Variants in RAD51B observed in about 807,000 individuals in gnomAD.
RAD51B encodes RAD51 paralog B, also known as DNA repair protein RAD51 homolog 2.
A neutral mutation model predicts 42.2 loss-of-function variants in RAD51B; 38 were observed. The observed-to-expected ratio is 0.90, with a 90% CI of 0.70 to 1.18. The LOEUF is 1.18. Ranked by LOEUF, RAD51B falls within the 50% of genes most tolerant of loss-of-function variation. RAD51B has a pLI of 0.00. For missense variants in RAD51B, 373 were observed against 400.7 expected (o/e 0.93, Z 0.59); for synonymous variants, 154 against 145.2 (o/e 1.06, Z -0.43).
chr14:68,147,989 C>G (rs752949795), intron 7 of RAD51B, among the ~76,000 whole-genome samples: 13 of 152,146 alleles, frequency 8.5e-5, no homozygotes, highest in Non-Finnish European at 1.2e-4. Flanking sequence ...TCTTACCCTT[C>G]CTTACCTTAC....
chr14:68,396,513 C>T (rs117270202), intron 8 of RAD51B, among the ~76,000 whole-genome samples: 3,469 of 152,204 alleles, frequency 0.023, 49 homozygotes, highest in Middle Eastern at 0.061. Context: ...TCCTAAGATA[C>T]AGAAAGATAT....
At chr14:68,011,165 A>T (rs957943903) in intron 7 of RAD51B, among the ~76,000 whole-genome samples, 1 of 152,028 alleles carries the variant, frequency 6.6e-6, no homozygotes, top group African/African-American at 2.4e-5. Flanking sequence ...AGGGCATCCC[A>T]TTTCTATCAA....
chr14:68,182,904 A>G (rs572162497), intron 7 of RAD51B, among the ~76,000 whole-genome samples: 2 of 152,114 alleles, frequency 1.3e-5, no homozygotes, highest in Non-Finnish European at 2.9e-5. Context: ...CACTTTTTAG[A>G]TGTATAACTT....
intron 7 of RAD51B, among the ~76,000 whole-genome samples, chr14:68,182,948 T>C (rs528364241): frequency 6.6e-6 from 1 of 152,218 alleles, no homozygotes; most frequent in Non-Finnish European, 1.5e-5. Context: ...TCCTTTTCTT[T>C]CCTTGGTTGA....
downstream of RAD51B, among the ~76,000 whole-genome samples, chr14:68,479,632 TC>T (rs1286795917): frequency 8.6e-5 from 13 of 151,478 alleles, no homozygotes; most frequent in African/African-American, 3.2e-4. Flanking sequence ...TACACAGATT[TC>T]CCTGGTTTGG....
intron 7 of RAD51B, among the ~76,000 whole-genome samples, chr14:67,938,213 A>G (rs2045027796): frequency 6.6e-6 from 1 of 152,218 alleles, no homozygotes; most frequent in Admixed American, 6.5e-5. Flanking sequence ...CTGGAATAAC[A>G]ATGCAGTTCT....
intron 9 of RAD51B, among the ~76,000 whole-genome samples, chr14:68,462,871 C>T (rs960853415): frequency 7.9e-5 from 12 of 151,110 alleles, no homozygotes; most frequent in Non-Finnish European, 1.6e-4. Context: ...CACAAGGAGC[C>T]CCAGGCTTTC....
chr14:68,324,357 G>T (rs755565994), intron 8 of RAD51B, among the ~76,000 whole-genome samples: 5 of 152,116 alleles, frequency 3.3e-5, no homozygotes, highest in Non-Finnish European at 7.4e-5. Context: ...CTGCTGTCAT[G>T]GGCACCAAAA....
intron 7 of RAD51B, among the ~76,000 whole-genome samples, chr14:68,243,106 C>T (rs2080426845): frequency 6.6e-6 from 1 of 152,134 alleles, no homozygotes. Flanking sequence ...AAGATGTGCT[C>T]TCCGGAATTA....
chr14:68,100,382 G>C (rs545205792), intron 7 of RAD51B, among the ~76,000 whole-genome samples: 1 of 152,114 alleles, frequency 6.6e-6, no homozygotes, highest in Non-Finnish European at 1.5e-5. Context: ...GGGTCTCACT[G>C]TGTTGCCCAG....
intron 9 of RAD51B, among the ~76,000 whole-genome samples, chr14:68,437,341 C>T (rs1412797945): frequency 6.6e-6 from 1 of 152,162 alleles, no homozygotes; most frequent in African/African-American, 2.4e-5. Flanking sequence ...ACCAACCTTG[C>T]ACCTCAGAAA....
At chr14:68,222,834 C>G (rs924525245) in intron 7 of RAD51B, among the ~76,000 whole-genome samples, 1 of 152,108 alleles carries the variant, frequency 6.6e-6, no homozygotes, top group Non-Finnish European at 1.5e-5. Context: ...TTTGTTGACT[C>G]GTTATCTCTT....
intron 7 of RAD51B, among the ~76,000 whole-genome samples, chr14:68,241,369 C>G (rs980132719): frequency 6.6e-6 from 1 of 152,054 alleles, no homozygotes; most frequent in Admixed American, 6.6e-5. Context: ...GGTGGAACAC[C>G]ATCTCTACTA....
chr14:68,281,949 A>G (rs1026999420), intron 7 of RAD51B, among the ~76,000 whole-genome samples: 1 of 151,306 alleles, frequency 6.6e-6, no homozygotes, highest in Non-Finnish European at 1.5e-5. Context: ...TTGTGCCTCA[A>G]GTGTGATCTG....
intron 10 of RAD51B, among the ~76,000 whole-genome samples, chr14:68,616,658 T>G (rs891314413): frequency 3.9e-4 from 60 of 152,344 alleles, no homozygotes; most frequent in African/African-American, 1.4e-3. Flanking sequence ...ATTTTCAGCC[T>G]TGATTTTTGT....
chr14:67,839,174 A>G (rs2041344678), intron 4 of RAD51B, among the ~76,000 whole-genome samples: 1 of 151,990 alleles, frequency 6.6e-6, no homozygotes, highest in African/African-American at 2.4e-5. Flanking sequence ...CTGAATTAGT[A>G]TTTATCTTAT....
intron 7 of RAD51B, among the ~76,000 whole-genome samples, chr14:68,278,960 A>C (rs900180654): frequency 2.0e-5 from 3 of 152,188 alleles, no homozygotes; most frequent in Non-Finnish European, 4.4e-5. Context: ...TCTCCTAACA[A>C]ATGACCATTT....
At chr14:68,174,469 T>C (rs1224551935) in intron 7 of RAD51B, among the ~76,000 whole-genome samples, 2 of 152,016 alleles carry the variant, frequency 1.3e-5, no homozygotes, top group Admixed American at 6.6e-5. Context: ...CCTTGACAGA[T>C]CTCAGTGTCT....
intron 7 of RAD51B, among the ~76,000 whole-genome samples, chr14:68,183,345 G>A (rs1756271906): frequency 1.5e-5 from 2 of 131,234 alleles, no homozygotes; most frequent in Non-Finnish European, 3.3e-5. Context: ...AGCGCAGGAA[G>A]CATCCAGCAC....
Sources: gnomAD v4.1 joint callset for allele counts (sites outside exome capture counted in the v4.1 genomes callset) on GRCh38, gnomAD v4.1.1 for gene constraint, MANE v1.5 for transcripts, NCBI Gene and HGNC (gene_info 2026-07-23, HGNC 2026-07-21) for gene names.